SHANK2: variants seen among roughly 807,000 people sequenced by gnomAD.
SHANK2 encodes the protein SH3 and multiple ankyrin repeat domains protein 2.
Under a neutral mutation model 133.7 loss-of-function variants are expected in SHANK2, and 43 were observed. That is an observed-to-expected ratio of 0.32 (90% confidence interval 0.25 to 0.41). SHANK2 has a LOEUF of 0.41. Ranked by LOEUF, SHANK2 falls within the 10% of genes least tolerant of loss-of-function variation. The probability of loss-of-function intolerance (pLI) is 1.00; values close to 1 mark genes in which losing one functional copy is unlikely to be tolerated. For missense variants in SHANK2, 1,994 were observed against 2,235.8 expected (o/e 0.89, Z 2.18); for synonymous variants, 1,017 against 952.8 (o/e 1.07, Z -1.24).
intron 2 of SHANK2, among the ~76,000 whole-genome samples, chr11:71,147,930 A>G (rs554046770): frequency 2.6e-5 from 4 of 152,328 alleles, no homozygotes. Flanking sequence ...GAGTGGAACC[A>G]AGAGTCATGA....
intron 8 of SHANK2, among the ~76,000 whole-genome samples, chr11:71,081,275 A>C (rs1951297328): frequency 1.3e-5 from 2 of 152,162 alleles, no homozygotes; most frequent in Non-Finnish European, 2.9e-5. Context: ...TGAGATAATG[A>C]ATGTCTATTG....
At chr11:71,236,327 G>C (rs1478548174) in intron 1 of SHANK2, among the ~76,000 whole-genome samples, 7 of 152,232 alleles carry the variant, frequency 4.6e-5, no homozygotes, top group African/African-American at 1.7e-4. Flanking sequence ...CCCAACATGA[G>C]GGCGGGCGTG....
intron 17 of SHANK2, among the ~76,000 whole-genome samples, chr11:70,594,257 G>C (rs1294462928): frequency 6.6e-6 from 1 of 152,194 alleles, no homozygotes; most frequent in East Asian, 1.9e-4. Flanking sequence ...GGGATGCTCA[G>C]CGACTTCATG....
chr11:70,633,882 C>G (rs2061035044), intron 17 of SHANK2: 2 of 152,246 alleles, frequency 1.3e-5, no homozygotes, highest in Non-Finnish European at 2.9e-5. Flanking sequence ...TGCAAGAGCT[C>G]ACCTCCATTT....
intron 2 of SHANK2, among the ~76,000 whole-genome samples, chr11:71,207,204 G>T (rs1954144731): frequency 8.3e-6 from 1 of 120,028 alleles, no homozygotes. Flanking sequence ...TTTTGAGACA[G>T]AGTCTTACTC....
At position 70,500,544 on chromosome 11, in the gene SHANK2, TGAG is replaced by T; in HGVS notation, c.2308+23_2308+25del. On this transcript the variant is annotated intron_variant, in intron 21 of 25. Transcript: ENST00000601538. The surrounding 1 kb of genome is among the most constrained non-coding windows in gnomAD (Gnocchi z 4.5). ...CACAGGGGGGTGATGGGCAGGGGGCTGAGACAGACACTGGGCCTCCCTTACCCT... is the reference window on the plus strand; with the variant it reads ...CACAGGGGGGTGATGGGCAGGGGGCTACAGACACTGGGCCTCCCTTACCCT... 1 of 1,598,238 alleles carries T rather than the reference TGAG, an allele frequency of 6.3e-7. No individual in the cohort carries two copies. Among genetic ancestry groups the T allele is most frequent in the Admixed American group, 1.7e-5 (1 of 57,780 alleles).
intron 2 of SHANK2, among the ~76,000 whole-genome samples, chr11:71,163,070 C>CT (rs1377706896): frequency 7.8e-5 from 4 of 51,446 alleles, no homozygotes; most frequent in African/African-American, 2.4e-4. Context: ...GAGACTCTGT[C>CT]TAAAAAAAAA....
intron 17 of SHANK2, among the ~76,000 whole-genome samples, chr11:70,585,232 G>A (rs1476382468): frequency 1.3e-5 from 2 of 152,266 alleles, no homozygotes; most frequent in South Asian, 4.1e-4. Flanking sequence ...GCTGGCAGGG[G>A]CTAAAGCCAA....
intron 11 of SHANK2, among the ~76,000 whole-genome samples, chr11:70,850,314 C>T (rs1949065753): frequency 6.6e-6 from 1 of 152,190 alleles, no homozygotes; most frequent in African/African-American, 2.4e-5. Context: ...TGTCTGTCTC[C>T]AAGCTTCCAC....
intron 2 of SHANK2, among the ~76,000 whole-genome samples, chr11:71,223,490 C>G (rs782506762): frequency 3.6e-4 from 55 of 152,316 alleles, no homozygotes; most frequent in Admixed American, 2.1e-3. Flanking sequence ...CAAACATTTA[C>G]ATATCATTTA....
At chr11:70,841,079 A>G (rs1948895730) in intron 11 of SHANK2, among the ~76,000 whole-genome samples, 1 of 152,144 alleles carries the variant, frequency 6.6e-6, no homozygotes, top group Non-Finnish European at 1.5e-5. Flanking sequence ...CCTGGCCAAC[A>G]TGGTGAAACC....
intron 17 of SHANK2, among the ~76,000 whole-genome samples, chr11:70,519,676 C>T (rs1284854944): frequency 2.6e-5 from 4 of 151,958 alleles, no homozygotes; most frequent in African/African-American, 7.2e-5. Context: ...CCATTATGAA[C>T]TCAAGAATGT....
intron 2 of SHANK2, among the ~76,000 whole-genome samples, chr11:71,191,486 C>T (rs191502693): frequency 1.2e-4 from 19 of 152,138 alleles, no homozygotes; most frequent in Admixed American, 7.8e-4. Context: ...CATCCCTCCA[C>T]GCATCCCTCA....
chr11:71,235,829 G>A (rs1212466903), intron 1 of SHANK2, among the ~76,000 whole-genome samples: 1 of 152,192 alleles, frequency 6.6e-6, no homozygotes, highest in Non-Finnish European at 1.5e-5. Context: ...GACACAGCCT[G>A]TGGGGAGTGG....
chr11:70,572,741 C>T (rs1301600819), intron 17 of SHANK2, among the ~76,000 whole-genome samples: 3 of 152,184 alleles, frequency 2.0e-5, no homozygotes, highest in Middle Eastern at 3.2e-3. Flanking sequence ...ATGAAAAAGA[C>T]GGCACACACC....
intron 17 of SHANK2, among the ~76,000 whole-genome samples, chr11:70,546,097 A>ATTTTTTT (rs57144719): frequency 5.8e-5 from 8 of 137,512 alleles, no homozygotes; most frequent in East Asian, 2.0e-4. Flanking sequence ...TATTTATTTA[A>ATTTTTTT]TTTTTTTTTT....
intron 16 of SHANK2, 75 bp downstream of exon 16, chr11:70,661,520 CA>C (rs2134273791): frequency 3.3e-6 from 1 of 301,608 alleles, no homozygotes; most frequent in Non-Finnish European, 6.5e-6. Flanking sequence ...CACACACACA[CA>C]CACACACACA....
chr11:70,592,226 C>T (rs573077960), intron 17 of SHANK2, among the ~76,000 whole-genome samples: 15 of 152,174 alleles, frequency 9.9e-5, no homozygotes, highest in Admixed American at 3.3e-4. Flanking sequence ...TCCCTCTGCA[C>T]GCAGGGGACA....
intron 17 of SHANK2, among the ~76,000 whole-genome samples, chr11:70,592,516 AG>A (rs2060338514): frequency 6.6e-6 from 1 of 151,706 alleles, no homozygotes; most frequent in South Asian, 2.1e-4. Flanking sequence ...AGCCACGGCC[AG>A]GGGAGTCTTT....
Sources: gnomAD v4.1 joint callset for allele counts (sites outside exome capture counted in the v4.1 genomes callset) on GRCh38, gnomAD v4.1.1 for gene constraint, Gnocchi (gnomAD v3.1) non-coding constraint, MANE v1.5 for transcripts, NCBI Gene and HGNC (gene_info 2026-07-23, HGNC 2026-07-21) for gene names.